L2HGDH: variants seen among roughly 807,000 people sequenced by gnomAD.
The protein encoded by L2HGDH is L-2-hydroxyglutarate dehydrogenase, mitochondrial.
L2HGDH carries 34 observed loss-of-function variants against 51.5 expected under a neutral mutation model. The observed-to-expected ratio is 0.66, with a 90% CI of 0.50 to 0.88. The LOEUF is 0.88. Among genes scored for constraint, L2HGDH ranks in the 40% least tolerant of loss-of-function variants. The probability of loss-of-function intolerance (pLI) is 0.00; values close to 1 mark genes in which losing one functional copy is unlikely to be tolerated. For synonymous variants in L2HGDH, 198 were observed against 197.9 expected, an observed-to-expected ratio of 1.00 and a Z score of -0.01; for missense variants, 558 against 571.9, an observed-to-expected ratio of 0.98 and a Z score of 0.25.
intron 6 of L2HGDH, among the ~76,000 whole-genome samples, chr14:50,273,177 A>G (rs1476417332): frequency 6.6e-6 from 1 of 152,262 alleles, no homozygotes; most frequent in African/African-American, 2.4e-5. Flanking sequence ...ACTCCAAAAC[A>G]GTTTCAGAGA....
intron 9 of L2HGDH, among the ~76,000 whole-genome samples, chr14:50,255,284 C>T (rs569420334): frequency 6.6e-6 from 1 of 151,720 alleles, no homozygotes; most frequent in Non-Finnish European, 1.5e-5. Context: ...CCTGTAATCC[C>T]AGAACTTCGA....
In L2HGDH at chr14:50,245,002, A is replaced by T; in HGVS notation, c.*2056T>A. ...TTTCTATTTTCTAACTTTCTAAATT[A>T]TAAGAATAATTTCGATAGATACCAC... On this transcript the variant is annotated 3_prime_UTR_variant, in exon 10 of 10. Transcript: ENST00000267436. The T allele has an allele frequency of 1.0e-6, 1 of 985,442 alleles. No individual in the cohort carries two copies. The highest frequency in any genetic ancestry group is 1.2e-6 in the Non-Finnish European group (1 of 829,680). 61.0% of individuals were successfully genotyped at this position (985,442 alleles called of 1,614,324 possible). A position where few individuals can be genotyped will look rare whatever the true frequency, so the allele number is the denominator to read the frequency against.
chr14:50,255,537 C>CAAAAAAAA (rs371804551), intron 9 of L2HGDH, among the ~76,000 whole-genome samples: 1 of 114,824 alleles, frequency 8.7e-6, no homozygotes, highest in Non-Finnish European at 1.7e-5. Flanking sequence ...ACTCCATCTC[C>CAAAAAAAA]AAAAAAAAAA....
chr14:50,304,632 G>A (rs942560687), intron 1 of L2HGDH, among the ~76,000 whole-genome samples: 1 of 152,186 alleles, frequency 6.6e-6, no homozygotes, highest in Non-Finnish European at 1.5e-5. Context: ...CCAGGAGGTT[G>A]AGACCATCCT....
Position 50,245,272 on chromosome 14 carries a change from GATAA to G in L2HGDH, c.*1782_*1785del, listed in dbSNP as rs1486099183. 36 of 984,762 alleles carry G rather than the reference GATAA, an allele frequency of 3.7e-5. No individual in the cohort carries two copies. The highest frequency in any genetic ancestry group is 4.2e-5 in the Non-Finnish European group (35 of 829,496). The allele number at this position is 984,762 out of a possible 1,614,324, so 61.0% of individuals were successfully genotyped here. ...GTGACTAAAGATCAGAGATATAATA[GATAA>G]ATAACTTTTTTAAATTGGAGTTCTA... On this transcript the variant is annotated 3_prime_UTR_variant, in exon 10 of 10. Coordinates refer to ENST00000267436, the MANE Select transcript of L2HGDH (RefSeq NM_024884.3).
intron 9 of L2HGDH, among the ~76,000 whole-genome samples, chr14:50,250,191 C>T (rs907803326): frequency 1.1e-4 from 17 of 152,200 alleles, no homozygotes; most frequent in Non-Finnish European, 2.4e-4. Flanking sequence ...CATGAGCCAC[C>T]GTGTCTGGCC....
chr14:50,265,449 C>T lies in L2HGDH; in HGVS notation c.1105G>A (p.Val369Ile). ...KLASQNFSYG[V>I]TEMYKACFLG... ...AAACATGCTTTATACATTTCAGTAACTCCATAGGAAAAATTCTGGGATGCC... is the reference window on the plus strand; with the variant it reads ...AAACATGCTTTATACATTTCAGTAATTCCATAGGAAAAATTCTGGGATGCC... Residue 369 changes from valine (V) to isoleucine (I), a missense_variant, in exon 9 of 10, where the codon GTT (valine) becomes ATT (isoleucine). This residue lies in a region of L2HGDH where 321 missense variants were observed against 311.8 expected (regional missense o/e 1.03). Transcript: ENST00000267436. 1 of 1,613,312 alleles carries T rather than the reference C, an allele frequency of 6.2e-7. No individual in the cohort carries two copies. Among genetic ancestry groups the T allele is most frequent in the Non-Finnish European group, 8.5e-7 (1 of 1,179,448 alleles).
chr14:50,246,966 T>C lies in L2HGDH; in HGVS notation c.*92A>G. ...GTTATCTTTGACCTAAAAACTAAAG[T>C]TTAAAAACCATTTTTTAAATTAAAG... On this transcript the variant is annotated 3_prime_UTR_variant, in exon 10 of 10. Transcript: ENST00000267436. 8 of 1,493,214 alleles carry C rather than the reference T, an allele frequency of 5.4e-6. No homozygotes were observed. The highest frequency in any genetic ancestry group is 1.3e-5 in the South Asian group (1 of 78,138). The allele number at this position is 1,493,214 out of a possible 1,614,324, so 92.5% of individuals were successfully genotyped here.
At position 50,302,901 on chromosome 14, in the gene L2HGDH, C is replaced by T. The variant is rs150299874; in HGVS notation, c.256+1G>A. On this transcript the variant is annotated splice_donor_variant, in intron 2 of 9. Coordinates refer to ENST00000267436, the MANE Select transcript of L2HGDH (RefSeq NM_024884.3). LOFTEE classifies it high-confidence loss of function. ...AAGAACAACATTGATTATATACATACCTAAATCTTTCTCCTTTTCCAGAAC... is the reference window on the plus strand; with the variant it reads ...AAGAACAACATTGATTATATACATATCTAAATCTTTCTCCTTTTCCAGAAC... The T allele has an allele frequency of 2.4e-5, 39 of 1,595,710 alleles. No individual in the cohort carries two copies. Among genetic ancestry groups the T allele is most frequent in the Non-Finnish European group, 2.9e-5 (34 of 1,163,552 alleles).
At chr14:50,284,465 G>T (rs10483597) in intron 4 of L2HGDH, among the ~76,000 whole-genome samples, 14,163 of 141,192 alleles carry the variant, frequency 0.1, 759 homozygotes, top group Non-Finnish European at 0.13. Context: ...GGTAATACAA[G>T]AAATTAATAG....
chr14:50,288,942 C>G (rs553723224), intron 4 of L2HGDH, among the ~76,000 whole-genome samples: 76 of 152,254 alleles, frequency 5.0e-4, no homozygotes, highest in African/African-American at 1.8e-3. Context: ...GTAATTTTGT[C>G]TTTTAACACA....
At chr14:50,271,347 T>C (rs888926069) in intron 6 of L2HGDH, among the ~76,000 whole-genome samples, 7 of 152,162 alleles carry the variant, frequency 4.6e-5, no homozygotes, top group Admixed American at 2.6e-4. Flanking sequence ...ATTTATAAAA[T>C]GGTACCAGCA....
rs117200328 is a variant in L2HGDH at position 50,250,200 on chromosome 14, C to T, written c.1197-2947G>A. Among the ~76,000 whole-genome samples the T allele has an allele frequency of 3.8e-4, 58 of 152,336 alleles. No individual in the cohort carries two copies. In the East Asian group the frequency reaches 9.7e-3, roughly 25 times the overall value. On this transcript the variant is annotated intron_variant, in intron 9 of 9. Transcript: ENST00000267436. ...TACAGGCATGAGCCACCGTGTCTGG[C>T]CCAGGCCAACACTCTTGGACGGCAT... is the stretch of plus-strand genomic sequence containing the variant.
At chr14:50,307,786 G>A (rs73277336) in intron 1 of L2HGDH, among the ~76,000 whole-genome samples, 1 of 151,642 alleles carries the variant, frequency 6.6e-6, no homozygotes, top group African/African-American at 2.4e-5. Context: ...TTTCTAAAAG[G>A]CATCTCTAAA....
intron 6 of L2HGDH, among the ~76,000 whole-genome samples, chr14:50,276,309 G>A (rs1190795504): frequency 6.6e-6 from 1 of 152,226 alleles, no homozygotes; most frequent in East Asian, 1.9e-4. Context: ...CATAGTAGGG[G>A]AAGGAAATTA....
At position 50,247,211 on chromosome 14, in the gene L2HGDH, T is replaced by C. The variant is rs779312190; in HGVS notation, c.1239A>G (p.Gly413=). ...CAAATACAAAATCTTCTACCAGATTTCCATCTCTATCCAGGGCCTGGGCTC... is the reference window on the plus strand; with the variant it reads ...CAAATACAAAATCTTCTACCAGATTCCCATCTCTATCCAGGGCCTGGGCTC... ...GVRAQALDRD[G]NLVEDFVFDA... The change falls in exon 10 of 10, where the codon GGA becomes GGG. Residue 413 remains glycine, a synonymous_variant. Coordinates refer to ENST00000267436, the MANE Select transcript of L2HGDH (RefSeq NM_024884.3). The C allele has an allele frequency of 2.2e-5, 35 of 1,614,110 alleles. No homozygotes were observed. Among genetic ancestry groups the C allele is most frequent in the Non-Finnish European group, 3.0e-5 (35 of 1,179,998 alleles).
chr14:50,271,137 G>A (rs1371447483), intron 6 of L2HGDH, among the ~76,000 whole-genome samples: 1 of 152,198 alleles, frequency 6.6e-6, no homozygotes, highest in African/African-American at 2.4e-5. Flanking sequence ...ATAGGCGTGA[G>A]CCACCGCACC....
chr14:50,287,978 A>G (rs754660493), intron 4 of L2HGDH, among the ~76,000 whole-genome samples: 5 of 152,058 alleles, frequency 3.3e-5, no homozygotes, highest in Non-Finnish European at 7.4e-5. Context: ...GATTATAGGC[A>G]TGAGCCACCA....
Position 50,243,162 on chromosome 14 carries a change from AG to A in L2HGDH, c.*3895del. 1 of 985,458 alleles carries A rather than the reference AG, an allele frequency of 1.0e-6. No homozygotes were observed. Among genetic ancestry groups the A allele is most frequent in the Non-Finnish European group, 1.2e-6 (1 of 829,932 alleles). 61.0% of individuals were successfully genotyped at this position (985,458 alleles called of 1,614,324 possible). ...AACAGTGCTAATGCTGAGAGGATCAAGGGAAGGACTTTGATATACACATATA... is the reference window on the plus strand; with the variant it reads ...AACAGTGCTAATGCTGAGAGGATCAAGGAAGGACTTTGATATACACATATA... On this transcript the variant is annotated 3_prime_UTR_variant, in exon 10 of 10. Transcript: ENST00000267436.
Sources: allele counts gnomAD v4.1 joint callset (sites outside exome capture counted in the v4.1 genomes callset), GRCh38; gene constraint gnomAD v4.1.1; regional missense constraint gnomAD v4.1.1; transcripts MANE v1.5; gene names NCBI Gene and HGNC (gene_info 2026-07-23, HGNC 2026-07-21).